The following MTAP variants were observed in gnomAD, a reference collection of about 807,000 sequenced individuals.
MTAP encodes the protein methylthioadenosine phosphorylase.
In MTAP, 33 loss-of-function variants were observed where a neutral mutation model predicts 33.6. The ratio of observed to expected loss-of-function variants is 0.98; its 90% CI spans 0.74 to 1.31. The LOEUF (loss-of-function observed/expected upper bound fraction) is 1.31. Among genes scored for constraint, MTAP ranks in the 40% most tolerant of loss-of-function variants. The pLI is 0.00. For missense variants in MTAP, 367 were observed against 360.0 expected (o/e 1.02, Z -0.16); for synonymous variants, 148 against 125.7 (o/e 1.18, Z -1.19).
exon 2 of MTAP, chr9:21,931,083 C>A (rs763951023): frequency 1.3e-6 from 1 of 764,244 alleles, no homozygotes; most frequent in African/African-American, 1.7e-5. Context: ...CTACAGAGGA[C>A]TCCTAGACTT....
chr9:21,840,659 A>ATTAC, intron 5 of MTAP, among the ~76,000 whole-genome samples: 1 of 152,188 alleles, frequency 6.6e-6, no homozygotes, highest in Non-Finnish European at 1.5e-5. Flanking sequence ...CCCTCAGGTA[A>ATTAC]GGCAGCCAGT....
At chr9:21,918,930 A>C (rs967817333) in intron 1 of MTAP, among the ~76,000 whole-genome samples, 2 of 152,232 alleles carry the variant, frequency 1.3e-5, no homozygotes, top group Non-Finnish European at 1.5e-5. Flanking sequence ...AGACTAATAA[A>C]ATGATACCTG....
chr9:21,900,184 C>A (rs201438154), intron 1 of MTAP, among the ~76,000 whole-genome samples: 1 of 152,078 alleles, frequency 6.6e-6, no homozygotes, highest in Middle Eastern at 3.4e-3. Context: ...ACAAGTGGGA[C>A]CTAATTAAAC....
chr9:21,818,317 C>CTTTTTTTTTTTTTTT lies in MTAP; in HGVS notation c.347+128_347+142dup, dbSNP rs35709813. Reference sequence around the variant, plus strand: ...GAGGGCAGTGCCACAGACTCGCTTGCTTTTTTTTTTTTTTTTTTTTTTTTT... The same window carrying CTTTTTTTTTTTTTTT: ...GAGGGCAGTGCCACAGACTCGCTTGCTTTTTTTTTTTTTTTTTTTTTTTTTTTTTTTTTTTTTTTT... On this transcript the variant is annotated intron_variant, in intron 4 of 7. Coordinates refer to ENST00000644715, the MANE Select transcript of MTAP (RefSeq NM_002451.4). 2.4e-5 allele frequency: 5 copies of CTTTTTTTTTTTTTTT among 206,102 alleles called. 2 individuals carry two copies. Among genetic ancestry groups the CTTTTTTTTTTTTTTT allele is most frequent in the Non-Finnish European group, 1.7e-5 (2 of 119,338 alleles). 12.8% of individuals were successfully genotyped at this position (206,102 alleles called of 1,614,324 possible).
intron 1 of MTAP, among the ~76,000 whole-genome samples, chr9:21,911,410 A>C (rs1818574147): frequency 6.6e-6 from 1 of 152,250 alleles, no homozygotes; most frequent in African/African-American, 2.4e-5. Flanking sequence ...GTAAAAGAAC[A>C]GAAATTATAA....
At chr9:21,860,479 C>T (rs1825732220) in intron 7 of MTAP, 1 of 152,136 alleles carries the variant, frequency 6.6e-6, no homozygotes, top group Non-Finnish European at 1.5e-5. Context: ...TACTAAGAAA[C>T]AAATCTATTG....
chr9:21,829,046 T>A lies in MTAP; in HGVS notation c.348-8862T>A, dbSNP rs1366025403. Among the ~76,000 whole-genome samples the A allele has an allele frequency of 3.3e-5, 5 of 152,368 alleles. No homozygotes were observed. The East Asian group carries it at 9.6e-4, about 29-fold the overall frequency. On this transcript the variant is annotated intron_variant, in intron 4 of 7. Transcript: ENST00000644715. Reference sequence around the variant, plus strand: ...TGAACATCTCATAGCAGAAGATGCCTTGTGGTTAATGCCCTCTATGTGTTT... The same window carrying A: ...TGAACATCTCATAGCAGAAGATGCCATGTGGTTAATGCCCTCTATGTGTTT...
chr9:21,839,162 T>C (rs1372526415), intron 5 of MTAP, among the ~76,000 whole-genome samples: 1 of 148,412 alleles, frequency 6.7e-6, no homozygotes, highest in Non-Finnish European at 1.5e-5. Context: ...GGAAAGTACG[T>C]CTTTTACTTG....
chr9:21,818,028 T>G lies in MTAP; in HGVS notation c.180-7T>G. 6.2e-7 allele frequency: 1 copy of G among 1,605,766 alleles called. No individual in the cohort carries two copies. Among genetic ancestry groups the G allele is most frequent in the Non-Finnish European group, 8.5e-7 (1 of 1,177,126 alleles). The stretch of plus-strand genomic sequence containing the variant: ...ACGGGTTAACAATTTCTTCTCTCCT[T>G]CCATAGGCATGGAAGGCAGCACACC... On this transcript the variant is annotated splice_region_variant and splice_polypyrimidine_tract_variant and intron_variant, in intron 3 of 7. Coordinates refer to ENST00000644715, the MANE Select transcript of MTAP (RefSeq NM_002451.4).
In MTAP at chr9:21,819,281, C is replaced by T. The variant is rs564485305; in HGVS notation, c.347+1079C>T. The stretch of plus-strand genomic sequence containing the variant: ...CATTGGGTATATCTCCTGATGCTTT[C>T]CCTCCCCACTCCCCCAACCCCACAA... On this transcript the variant is annotated intron_variant, in intron 4 of 7. Transcript: ENST00000644715. Among the ~76,000 whole-genome samples the T allele has an allele frequency of 9.9e-5, 15 of 152,210 alleles. No individual in the cohort carries two copies. In the South Asian group the frequency reaches 1.5e-3, roughly 15 times the overall value.
At chr9:21,839,526 G>A (rs1231953533) in intron 5 of MTAP, among the ~76,000 whole-genome samples, 2 of 152,204 alleles carry the variant, frequency 1.3e-5, no homozygotes, top group African/African-American at 2.4e-5. Context: ...TGGGTCTGTG[G>A]TGATAATTTC....
At chr9:21,894,146 A>T (rs1818247733) in intron 1 of MTAP, among the ~76,000 whole-genome samples, 1 of 152,038 alleles carries the variant, frequency 6.6e-6, no homozygotes, top group Admixed American at 6.6e-5. Context: ...CAAAAAACAA[A>T]TACCACATTA....
chr9:21,884,080 C>G (rs751158413), intron 1 of MTAP, among the ~76,000 whole-genome samples: 6 of 151,786 alleles, frequency 4.0e-5, no homozygotes, highest in Non-Finnish European at 8.8e-5. Context: ...GTCCCTTCAA[C>G]ATCCTCACTG....
In MTAP at chr9:21,865,734, C is replaced by G. The variant is rs1194884325; in HGVS notation, c.*3720C>G. On this transcript the variant is annotated 3_prime_UTR_variant, in exon 8 of 8. Coordinates refer to ENST00000644715, the MANE Select transcript of MTAP (RefSeq NM_002451.4). ...TGTTGCCAGCTATGCCTTTGAGAAC[C>G]TCGGGATCCCAAAGAATGAGGGGAA... 3.8e-6 allele frequency: 4 copies of G among 1,039,898 alleles called. No individual in the cohort carries two copies. The South Asian group carries it at 1.1e-4, about 29-fold the overall frequency. 64.4% of individuals were successfully genotyped at this position (1,039,898 alleles called of 1,614,324 possible).
At chr9:21,802,821 G>T (rs375801253) in intron 1 of MTAP, 40 bp downstream of exon 1, 7 of 1,610,874 alleles carry the variant, frequency 4.3e-6, no homozygotes, top group Non-Finnish European at 5.1e-6. Flanking sequence ...TCGCCCTGCC[G>T]GATGCCTTCT....
At chr9:21,919,463 A>T (rs1032049724) in intron 1 of MTAP, among the ~76,000 whole-genome samples, 3 of 152,208 alleles carry the variant, frequency 2.0e-5, no homozygotes, top group Non-Finnish European at 2.9e-5. Flanking sequence ...GGTAATTTGC[A>T]GGTGGAAGTG....
At chr9:21,816,820 A>C (rs766921630) in intron 3 of MTAP, 48 bp downstream of exon 3, 15 of 1,494,996 alleles carry the variant, frequency 1.0e-5, no homozygotes, top group Non-Finnish European at 1.8e-6. Flanking sequence ...GGATAATTTA[A>C]ATTTAACTTA....
intron 1 of MTAP, among the ~76,000 whole-genome samples, chr9:21,809,876 G>C (rs1824302229): frequency 6.6e-6 from 1 of 152,196 alleles, no homozygotes; most frequent in Non-Finnish European, 1.5e-5. Context: ...GCAAAGGAGA[G>C]CTCTAACAAA....
At chr9:21,918,571 T>G (rs1158692114) in intron 1 of MTAP, among the ~76,000 whole-genome samples, 1 of 152,106 alleles carries the variant, frequency 6.6e-6, no homozygotes, top group African/African-American at 2.4e-5. Context: ...AAATTGTGAT[T>G]GATGTGGTTT....
Sources: allele counts gnomAD v4.1 joint callset (sites outside exome capture counted in the v4.1 genomes callset), GRCh38; gene constraint gnomAD v4.1.1; transcripts MANE v1.5; gene names NCBI Gene and HGNC (gene_info 2026-07-23, HGNC 2026-07-21).